Variants in CNGB3 observed in about 807,000 individuals in gnomAD.
The protein encoded by CNGB3 is cyclic nucleotide-gated channel beta-3.
Under a neutral mutation model 92.8 loss-of-function variants are expected in CNGB3, and 86 were observed. The ratio of observed to expected loss-of-function variants is 0.93; its 90% confidence interval spans 0.78 to 1.11. The LOEUF (loss-of-function observed/expected upper bound fraction) is 1.11. Ranked by LOEUF, CNGB3 falls within the 50% of genes least tolerant of loss-of-function variation. The pLI, the probability that CNGB3 is intolerant of heterozygous loss-of-function variation, is 0.00. For synonymous variants in CNGB3, 333 were observed against 332.7 expected, an observed-to-expected ratio of 1.00 and a Z score of -0.01; for missense variants, 1,026 against 956.8, an observed-to-expected ratio of 1.07 and a Z score of -0.95.
At chr8:86,652,990 A>G (rs1167649502) in intron 7 of CNGB3, among the ~76,000 whole-genome samples, 1 of 152,140 alleles carries the variant, frequency 6.6e-6, no homozygotes, top group African/African-American at 2.4e-5. Context: ...TGTTTACACC[A>G]GCATCACTGC....
At chr8:86,576,224 C>G (rs1821659765) in intron 17 of CNGB3, 94 bp from the exon 18 acceptor site, 1 of 1,258,216 alleles carries the variant, frequency 7.9e-7, no homozygotes, top group East Asian at 2.3e-5. Flanking sequence ...AGATCACCAC[C>G]AAGACAGACT....
chr8:86,619,727 CCT>C (rs1491392184), intron 13 of CNGB3, among the ~76,000 whole-genome samples: 2 of 76,632 alleles, frequency 2.6e-5, no homozygotes, highest in South Asian at 9.0e-4. Context: ...TTGGTCTTGA[CCT>C]TTTTTTTTTT....
intron 3 of CNGB3, among the ~76,000 whole-genome samples, chr8:86,716,976 C>T (rs1563764816): frequency 1.3e-5 from 2 of 152,084 alleles, no homozygotes; most frequent in African/African-American, 4.8e-5. Context: ...TCAGGAGACT[C>T]ACCTAACACA....
At chr8:86,603,674 T>C (rs1220851077) in intron 15 of CNGB3, among the ~76,000 whole-genome samples, 1 of 152,154 alleles carries the variant, frequency 6.6e-6, no homozygotes, top group Non-Finnish European at 1.5e-5. Flanking sequence ...CCAGTAGTGG[T>C]GAAACTGGAG....
At chr8:86,590,906 A>G (rs1483270164) in intron 15 of CNGB3, among the ~76,000 whole-genome samples, 4 of 151,008 alleles carry the variant, frequency 2.6e-5, no homozygotes, top group African/African-American at 7.3e-5. Flanking sequence ...GATTGGGGAA[A>G]TTCTCCTGGA....
intron 3 of CNGB3, among the ~76,000 whole-genome samples, chr8:86,684,218 G>A (rs574711641): frequency 1.8e-4 from 27 of 152,262 alleles, no homozygotes; most frequent in African/African-American, 6.5e-4. Flanking sequence ...AAGATGATAT[G>A]CAGATGGCAA....
intron 13 of CNGB3, among the ~76,000 whole-genome samples, chr8:86,623,568 AC>A (rs1563730590): frequency 1.3e-5 from 2 of 152,078 alleles, no homozygotes; most frequent in African/African-American, 2.4e-5. Flanking sequence ...ATGGTGCTAA[AC>A]CCATTCATGA....
intron 15 of CNGB3, among the ~76,000 whole-genome samples, chr8:86,593,596 A>T (rs1202855718): frequency 6.6e-6 from 1 of 152,164 alleles, no homozygotes; most frequent in Non-Finnish European, 1.5e-5. Flanking sequence ...CACTAGGTAC[A>T]AATGGCCATG....
At chr8:86,589,579 C>A (rs1246584292) in intron 15 of CNGB3, among the ~76,000 whole-genome samples, 1 of 152,002 alleles carries the variant, frequency 6.6e-6, no homozygotes, top group Non-Finnish European at 1.5e-5. Flanking sequence ...TTTATTTCTG[C>A]CTTCATTTCG....
At chr8:86,692,136 G>A (rs528293188) in intron 3 of CNGB3, among the ~76,000 whole-genome samples, 50 of 152,168 alleles carry the variant, frequency 3.3e-4, no homozygotes, top group Non-Finnish European at 2.9e-4. Context: ...GACTTGTTTC[G>A]TATTCTGTCA....
At chr8:86,633,230 C>T (rs1229834944) in intron 10 of CNGB3, among the ~76,000 whole-genome samples, 1 of 152,088 alleles carries the variant, frequency 6.6e-6, no homozygotes, top group African/African-American at 2.4e-5. Flanking sequence ...ATGACCGGGC[C>T]CTCAGCTGGT....
At chr8:86,661,151 C>G (rs72692277) in intron 6 of CNGB3, 2 of 226,092 alleles carry the variant, frequency 8.8e-6, no homozygotes, top group Non-Finnish European at 1.8e-5. Flanking sequence ...TACTTTAGGA[C>G]GACAACCCAG....
intron 13 of CNGB3, among the ~76,000 whole-genome samples, chr8:86,613,083 A>C (rs920729699): frequency 2.0e-5 from 3 of 152,220 alleles, no homozygotes; most frequent in Non-Finnish European, 2.9e-5. Flanking sequence ...GAAAGTGCTC[A>C]TTTGGGTAAC....
intron 2 of CNGB3, among the ~76,000 whole-genome samples, chr8:86,739,297 T>G (rs1340171512): frequency 1.3e-5 from 2 of 152,200 alleles, no homozygotes; most frequent in East Asian, 3.9e-4. Flanking sequence ...TTCATATTGC[T>G]TATCAATGTC....
rs1159739100 is a variant in CNGB3, at chr8:86,647,887, A to G, written c.904T>C (p.Leu302=). ...KHYRTSTKFQ[L]DVASIIPFDI... The stretch of plus-strand genomic sequence containing the variant: ...AATGGTATTATTGATGCGACATCCA[A>G]CTGTTGAAAGAACACATTCACAAAT... The change falls in exon 8 of 18, where the codon TTG becomes CTG. Residue 302 remains leucine, a splice_region_variant and synonymous_variant. Coordinates refer to ENST00000320005, the MANE Select transcript of CNGB3 (RefSeq NM_019098.5). The G allele has an allele frequency of 1.9e-6, 3 of 1,574,308 alleles. No homozygotes were observed. Among genetic ancestry groups the G allele is most frequent in the East Asian group, 2.2e-5 (1 of 44,498 alleles).
chr8:86,583,196 C>T (rs1167974989), intron 15 of CNGB3, among the ~76,000 whole-genome samples: 2 of 151,944 alleles, frequency 1.3e-5, no homozygotes, highest in Non-Finnish European at 2.9e-5. Flanking sequence ...CCACCATGCT[C>T]GACAATTTTT....
intron 1 of CNGB3, among the ~76,000 whole-genome samples, chr8:86,743,276 C>G (rs1473716169): frequency 6.6e-6 from 1 of 152,170 alleles, no homozygotes; most frequent in East Asian, 1.9e-4. Flanking sequence ...TCTTACTTGG[C>G]TTTTCCAAAT....
At chr8:86,703,603 G>C (rs1003891445) in intron 3 of CNGB3, among the ~76,000 whole-genome samples, 1 of 152,190 alleles carries the variant, frequency 6.6e-6, no homozygotes, top group Non-Finnish European at 1.5e-5. Flanking sequence ...GTTCTAAGCA[G>C]AGTTCAAGCT....
intron 15 of CNGB3, among the ~76,000 whole-genome samples, chr8:86,597,908 G>T (rs756792181): frequency 6.6e-6 from 1 of 152,160 alleles, no homozygotes; most frequent in Non-Finnish European, 1.5e-5. Flanking sequence ...AACATGGGAA[G>T]TGGAGGTTGC....
Sources: gnomAD v4.1 joint callset for allele counts (sites outside exome capture counted in the v4.1 genomes callset) on GRCh38, gnomAD v4.1.1 for gene constraint, MANE v1.5 for transcripts, NCBI Gene and HGNC (gene_info 2026-07-23, HGNC 2026-07-21) for gene names.